The following USP15 variants were observed in gnomAD, a reference collection of about 807,000 sequenced individuals.
USP15 encodes the protein ubiquitin carboxyl-terminal hydrolase 15.
USP15 carries 18 observed loss-of-function variants against 127.1 expected under a neutral mutation model. The observed-to-expected ratio is 0.14, with a 90% CI of 0.10 to 0.21. The LOEUF is 0.21. USP15 is among the 10% of genes least tolerant of loss of function. The pLI is 1.00. For missense variants in USP15, 805 were observed against 1,159.9 expected (o/e 0.69, Z 4.44); for synonymous variants, 364 against 393.7 (o/e 0.92, Z 0.89).
At chr12:62,373,853 A>G (rs190444334) in intron 8 of USP15, among the ~76,000 whole-genome samples, 7 of 152,092 alleles carry the variant, frequency 4.6e-5, no homozygotes, top group South Asian at 4.1e-4. Context: ...AAAAATAAGA[A>G]CATCAAGTGA....
intron 3 of USP15, chr12:62,304,743 AAG>A (rs2064424544): frequency 6.6e-6 from 3 of 454,656 alleles, no homozygotes; most frequent in African/African-American, 6.0e-5. Flanking sequence ...ATCAAAATCC[AAG>A]AGAAACAGCA....
chr12:62,266,864 C>A (rs1047249770), intron 1 of USP15, among the ~76,000 whole-genome samples: 1 of 152,122 alleles, frequency 6.6e-6, no homozygotes, highest in African/African-American at 2.4e-5. Context: ...TTTACACTTA[C>A]ATAGCCTTTA....
intron 20 of USP15, among the ~76,000 whole-genome samples, chr12:62,399,685 T>A (rs1245678208): frequency 6.6e-6 from 1 of 152,162 alleles, no homozygotes; most frequent in Non-Finnish European, 1.5e-5. Context: ...TTTCTCTCCA[T>A]GGTTGATATT....
In USP15 at chr12:62,330,227, A is replaced by G. The variant is rs867019675; in HGVS notation, c.683+4294A>G. 3.3e-5 allele frequency among the ~76,000 whole-genome samples: 5 copies of G among 152,222 alleles called. No individual in the cohort carries two copies. The South Asian group carries it at 6.2e-4, about 19-fold the overall frequency. ...AATATCACTTGCTAAATTTATTTAT[A>G]TTATATTTCTATAGATGAAGCAAGG... On this transcript the variant is annotated intron_variant, in intron 6 of 21. Coordinates refer to ENST00000280377, the MANE Select transcript of USP15 (RefSeq NM_001252078.2).
chr12:62,392,901 A>G (rs763428312), intron 18 of USP15, 152 bp from the exon 19 acceptor site: 19 of 709,186 alleles, frequency 2.7e-5, no homozygotes, highest in Non-Finnish European at 3.8e-5. Context: ...AATAAAAATA[A>G]TAAGAGTTGC....
chr12:62,340,306 C>G (rs1018611975), intron 6 of USP15, among the ~76,000 whole-genome samples: 14 of 151,850 alleles, frequency 9.2e-5, no homozygotes, highest in Admixed American at 5.9e-4. Flanking sequence ...AGCAGTCTAT[C>G]TATTTTATTT....
At chr12:62,335,323 T>A (rs936005369) in intron 6 of USP15, 1 of 1,450,320 alleles carries the variant, frequency 6.9e-7, no homozygotes, top group African/African-American at 1.4e-5. Flanking sequence ...GGACCATGTG[T>A]AATCTGAGTC....
chr12:62,384,410 T>A, intron 11 of USP15, 108 bp downstream of exon 11: 1 of 826,416 alleles, frequency 1.2e-6, no homozygotes, highest in Non-Finnish European at 1.8e-6. Flanking sequence ...AGTATTGAAT[T>A]ATCAAGCCCA....
intron 1 of USP15, among the ~76,000 whole-genome samples, chr12:62,286,266 A>G (rs2063782739): frequency 6.6e-6 from 1 of 152,220 alleles, no homozygotes; most frequent in South Asian, 2.1e-4. Flanking sequence ...CAGCCAGCAA[A>G]TGTATGAAAA....
chr12:62,344,044 C>A (rs2137395500), intron 6 of USP15, among the ~76,000 whole-genome samples: 1 of 152,118 alleles, frequency 6.6e-6, no homozygotes, highest in South Asian at 2.1e-4. Context: ...CATTCTGCCC[C>A]TGGCCCCTCC....
intron 1 of USP15, among the ~76,000 whole-genome samples, chr12:62,277,271 C>G (rs1163554213): frequency 6.6e-6 from 1 of 152,040 alleles, no homozygotes; most frequent in Non-Finnish European, 1.5e-5. Flanking sequence ...ATTTCCTAAC[C>G]ATTCAACACA....
chr12:62,335,441 G>C (rs2242032), intron 6 of USP15: 571,728 of 1,355,122 alleles, frequency 0.42, 123,693 homozygotes, highest in African/African-American at 0.59. Context: ...TCCATCCTTA[G>C]CTCTCTGATC....
In USP15 at chr12:62,386,595, A is replaced by G. The variant is rs778109254; in HGVS notation, c.1473+2293A>G. ...AATAAAAGCATTATAGGCCAAGATA[A>G]TGGCATGTACAAAGAACTTATGGGA... On this transcript the variant is annotated intron_variant, in intron 11 of 21. Transcript: ENST00000280377. Among the ~76,000 whole-genome samples the G allele has an allele frequency of 1.8e-4, 27 of 152,182 alleles. No individual in the cohort carries two copies. The Middle Eastern group carries it at 0.017, about 96-fold the overall frequency.
At chr12:62,404,056 A>C in intron 21 of USP15, 137 bp from the exon 22 acceptor site, 3 of 1,038,344 alleles carry the variant, frequency 2.9e-6, no homozygotes, top group Non-Finnish European at 3.9e-6. Context: ...AATTTTAGTA[A>C]CTTCCATTTG....
intron 4 of USP15, among the ~76,000 whole-genome samples, chr12:62,319,141 G>T (rs560620410): frequency 6.6e-6 from 1 of 152,326 alleles, no homozygotes; most frequent in South Asian, 2.1e-4. Context: ...CATGGTGGAA[G>T]GCAAAGGGGA....
At chr12:62,327,653 C>T (rs1340163633) in intron 6 of USP15, 5 of 435,868 alleles carry the variant, frequency 1.1e-5, no homozygotes, top group African/African-American at 2.1e-5. Flanking sequence ...TCTTTTATTC[C>T]CTAATAGCAC....
intron 3 of USP15, among the ~76,000 whole-genome samples, chr12:62,314,253 A>G (rs538844660): frequency 1.3e-5 from 2 of 152,056 alleles, no homozygotes; most frequent in Admixed American, 1.3e-4. Flanking sequence ...ATTTGGAGTT[A>G]TCATTTTAAT....
rs1257909389 is a variant in USP15, at chr12:62,324,184, C to T, written c.622-1688C>T. Among the ~76,000 whole-genome samples, 4 of 151,686 alleles carry T rather than the reference C, an allele frequency of 2.6e-5. No individual in the cohort carries two copies. The East Asian group carries it at 7.7e-4, about 29-fold the overall frequency. ...TTTGGAGTTAAAGTTTTAACTATAA[C>T]AAAATTTTATGCAGAAAATGATGCA... On this transcript the variant is annotated intron_variant, in intron 5 of 21. Coordinates refer to ENST00000280377, the MANE Select transcript of USP15 (RefSeq NM_001252078.2).
At position 62,348,071 on chromosome 12, in the gene USP15, C is replaced by T. The variant is rs138845460; in HGVS notation, c.684-1150C>T. 1.4e-3 allele frequency among the ~76,000 whole-genome samples: 218 copies of T among 151,986 alleles called. 2 individuals are homozygous for T. The highest frequency in any genetic ancestry group is 4.8e-3 in the African/African-American group (197 of 41,454). ...AATTTGTTTTTAAATTAGCTGGGCA[C>T]GGTGGCACACGCCTATAGTTTCAGT... On this transcript the variant is annotated intron_variant, in intron 6 of 21. Transcript: ENST00000280377.
Sources: gnomAD v4.1 joint callset for allele counts (sites outside exome capture counted in the v4.1 genomes callset) on GRCh38, gnomAD v4.1.1 for gene constraint, MANE v1.5 for transcripts, NCBI Gene and HGNC (gene_info 2026-07-23, HGNC 2026-07-21) for gene names.